Variants in HEMK2 observed in about 807,000 individuals in gnomAD.
HEMK2 encodes the protein HemK methyltransferase 2, ETF1 glutamine and histone H4 lysine.
chr21:28,823,354 T>C, the HEMK2 span, among the ~76,000 whole-genome samples: 2 of 152,186 alleles, frequency 1.3e-5, no homozygotes, highest in Non-Finnish European at 2.9e-5. Flanking sequence ...GAAAACTCAA[T>C]AGATCGTTGT....
the HEMK2 span, among the ~76,000 whole-genome samples, chr21:28,725,313 A>C: frequency 1.3e-4 from 20 of 152,172 alleles, no homozygotes; most frequent in Non-Finnish European, 1.8e-4. Context: ...ACAGATTCTG[A>C]GATAGAAGCT....
the HEMK2 span, among the ~76,000 whole-genome samples, chr21:28,595,127 G>A: frequency 6.6e-6 from 1 of 152,164 alleles, no homozygotes; most frequent in African/African-American, 2.4e-5. Context: ...TCGCATCATG[G>A]AAGATGGGGT....
the HEMK2 span, among the ~76,000 whole-genome samples, chr21:28,668,312 T>C: frequency 6.6e-6 from 1 of 152,194 alleles, no homozygotes; most frequent in Non-Finnish European, 1.5e-5. Flanking sequence ...CAAAATCTCA[T>C]TGACTTATAA....
the HEMK2 span, chr21:28,878,483 T>C: frequency 1.3e-6 from 1 of 777,944 alleles, no homozygotes; most frequent in Non-Finnish European, 2.1e-6. Flanking sequence ...CTAAGTTTCA[T>C]CATTTTCTAG....
the HEMK2 span, among the ~76,000 whole-genome samples, chr21:28,665,116 A>G: frequency 2.1e-5 from 3 of 141,070 alleles, no homozygotes; most frequent in African/African-American, 8.0e-5. Flanking sequence ...CATTTCTACT[A>G]AACATAAAAA....
chr21:28,674,290 G>A, the HEMK2 span, among the ~76,000 whole-genome samples: 2 of 152,088 alleles, frequency 1.3e-5, no homozygotes, highest in Admixed American at 6.5e-5. Context: ...TAAAAAATTG[G>A]CAACCAGCAG....
chr21:28,758,984 G>C, the HEMK2 span, among the ~76,000 whole-genome samples: 1 of 152,176 alleles, frequency 6.6e-6, no homozygotes, highest in Non-Finnish European at 1.5e-5. Flanking sequence ...GGCATAGCTG[G>C]TTTTCAAAAT....
the HEMK2 span, among the ~76,000 whole-genome samples, chr21:28,852,854 T>A: frequency 6.6e-6 from 1 of 152,204 alleles, no homozygotes; most frequent in South Asian, 2.1e-4. Flanking sequence ...TTAGCCAATG[T>A]CAGAGCTCAA....
the HEMK2 span, among the ~76,000 whole-genome samples, chr21:28,780,201 G>A: frequency 6.6e-6 from 1 of 150,806 alleles, no homozygotes; most frequent in African/African-American, 2.4e-5. Flanking sequence ...TTTTTGAAAT[G>A]GAGTCTCACT....
chr21:28,699,076 C>T, the HEMK2 span, among the ~76,000 whole-genome samples: 2 of 151,998 alleles, frequency 1.3e-5, no homozygotes, highest in Non-Finnish European at 2.9e-5. Context: ...TTCATGCAAC[C>T]ATTGCTCAAA....
chr21:28,702,638 T>C, the HEMK2 span, among the ~76,000 whole-genome samples: 2,432 of 152,234 alleles, frequency 0.016, 30 homozygotes, highest in Non-Finnish European at 0.022. Flanking sequence ...AGAATGACTA[T>C]TATCAAAAAG....
chr21:28,865,242 T>C, the HEMK2 span, among the ~76,000 whole-genome samples: 15 of 152,242 alleles, frequency 9.9e-5, no homozygotes, highest in Non-Finnish European at 2.2e-4. Context: ...CTCCACTCAC[T>C]GCAACCTCCG....
the HEMK2 span, among the ~76,000 whole-genome samples, chr21:28,806,990 C>T: frequency 6.6e-6 from 1 of 152,168 alleles, no homozygotes; most frequent in Non-Finnish European, 1.5e-5. Flanking sequence ...CTTGAAGGTA[C>T]TTTCAGCTGG....
At chr21:28,678,438 G>A in the HEMK2 span, among the ~76,000 whole-genome samples, 9 of 152,224 alleles carry the variant, frequency 5.9e-5, no homozygotes, top group East Asian at 1.9e-4. Context: ...TGAAACTGAC[G>A]GGGAGAATGG....
chr21:28,737,285 G>A, the HEMK2 span, among the ~76,000 whole-genome samples: 2 of 152,030 alleles, frequency 1.3e-5, no homozygotes, highest in South Asian at 2.1e-4. Context: ...CCACCCCACC[G>A]AGGTAAGTTT....
At chr21:28,802,322 A>G in the HEMK2 span, among the ~76,000 whole-genome samples, 3 of 152,210 alleles carry the variant, frequency 2.0e-5, no homozygotes, top group African/African-American at 7.2e-5. Flanking sequence ...AGGAAGAGAA[A>G]TAAGTCTCTA....
the HEMK2 span, among the ~76,000 whole-genome samples, chr21:28,736,147 T>TA: frequency 4.3e-4 from 65 of 152,230 alleles, no homozygotes; most frequent in African/African-American, 1.3e-3. Flanking sequence ...ATATGAGACT[T>TA]AAAAAATCCA....
the HEMK2 span, among the ~76,000 whole-genome samples, chr21:28,829,513 A>G: frequency 1.3e-5 from 2 of 152,220 alleles, no homozygotes. Flanking sequence ...ACACAGCAAG[A>G]AGGTCCCTGA....
At chr21:28,782,457 T>C in the HEMK2 span, among the ~76,000 whole-genome samples, 1 of 152,198 alleles carries the variant, frequency 6.6e-6, no homozygotes, top group Non-Finnish European at 1.5e-5. Flanking sequence ...CACATATAGT[T>C]CAGAAACGTT....
Sources: allele counts gnomAD v4.1 joint callset (sites outside exome capture counted in the v4.1 genomes callset), GRCh38; gene constraint gnomAD v4.1.1; transcripts MANE v1.5; gene names NCBI Gene and HGNC (gene_info 2026-07-23, HGNC 2026-07-21).